The following PELI1 variants were observed in gnomAD, a reference collection of about 807,000 sequenced individuals.
The protein encoded by PELI1 is E3 ubiquitin-protein ligase pellino homolog 1.
In PELI1, 15 loss-of-function variants were observed where a neutral mutation model predicts 41.3. The ratio of observed to expected loss-of-function variants is 0.36; its 90% CI spans 0.24 to 0.56. The LOEUF is 0.56. Ranked by LOEUF, PELI1 falls within the 20% of genes least tolerant of loss-of-function variation. The pLI is 0.82. For synonymous variants in PELI1, 178 were observed against 180.1 expected (o/e 0.99, Z 0.09); for missense variants, 403 against 525.5 (o/e 0.77, Z 2.28).
chr2:64,095,065 G>C lies in PELI1; in HGVS notation c.894C>G (p.Asp298Glu). 6.2e-7 allele frequency: 1 copy of C among 1,614,036 alleles called. No individual in the cohort carries two copies. Among genetic ancestry groups the C allele is most frequent in the East Asian group, 2.2e-5 (1 of 44,886 alleles). The change falls in exon 7 of 7, where the codon GAC becomes GAG. Residue 298 changes from aspartate (D) to glutamate (E), a missense_variant. By Grantham distance (45) the Asp-to-Glu change is conservative (BLOSUM62 2). Transcript: ENST00000358912. ...CCCATGGTTGTTTTTCATCTACAACGTCTTTCCTCTTCATACTAGGAAATG... is the reference window on the plus strand; with the variant it reads ...CCCATGGTTGTTTTTCATCTACAACCTCTTTCCTCTTCATACTAGGAAATG... ...TLAFPSMKRK[D>E]VVDEKQPWVY...
intron 1 of PELI1, among the ~76,000 whole-genome samples, chr2:64,131,579 A>T (rs78936276): frequency 0.021 from 3,135 of 152,008 alleles, 94 homozygotes; most frequent in African/African-American, 0.07. Flanking sequence ...AAACGACAGG[A>T]TCCTAACCGG....
In PELI1 at chr2:64,137,501, G is replaced by A. The variant is rs184583796; in HGVS notation, c.-70+6580C>T. Among the ~76,000 whole-genome samples, 8 of 152,052 alleles carry A rather than the reference G, an allele frequency of 5.3e-5. No individual in the cohort carries two copies. The East Asian group carries it at 9.7e-4, about 18-fold the overall frequency. On this transcript the variant is annotated intron_variant, in intron 1 of 6. Coordinates refer to ENST00000358912, the MANE Select transcript of PELI1 (RefSeq NM_020651.4). ...ATCTTGTATGTGTGTGTGTGTGTGC[G>A]CATTTTGTGAGACCTTAAAATATCC...
At chr2:64,096,698 T>A in intron 4 of PELI1, 88 bp from the exon 5 acceptor site, 1 of 815,774 alleles carries the variant, frequency 1.2e-6, no homozygotes, top group African/African-American at 1.7e-5. Context: ...GAGAGAACAT[T>A]AGGTCTCTGA....
intron 1 of PELI1, among the ~76,000 whole-genome samples, chr2:64,137,590 T>C (rs1271270335): frequency 6.6e-6 from 1 of 152,158 alleles, no homozygotes; most frequent in Non-Finnish European, 1.5e-5. Flanking sequence ...TTCCAAATGA[T>C]GCTACAATTA....
chr2:64,109,885 T>A (rs369791562), intron 1 of PELI1, among the ~76,000 whole-genome samples: 1 of 152,052 alleles, frequency 6.6e-6, no homozygotes, highest in African/African-American at 2.4e-5. Flanking sequence ...CGTGAGACTA[T>A]AGCAAAATCT....
chr2:64,100,883 C>A (rs921039055), intron 3 of PELI1, among the ~76,000 whole-genome samples: 4 of 152,044 alleles, frequency 2.6e-5, no homozygotes, highest in African/African-American at 4.8e-5. Flanking sequence ...CACGCTGCCA[C>A]GCCTGGCTAA....
intron 1 of PELI1, among the ~76,000 whole-genome samples, chr2:64,124,662 C>T (rs1243076869): frequency 1.3e-5 from 2 of 152,186 alleles, no homozygotes; most frequent in Non-Finnish European, 1.5e-5. Flanking sequence ...TTCAGACTAG[C>T]TTTAATCATA....
At chr2:64,135,441 T>C (rs964899450) in intron 1 of PELI1, among the ~76,000 whole-genome samples, 1 of 152,156 alleles carries the variant, frequency 6.6e-6, no homozygotes, top group African/African-American at 2.4e-5. Context: ...GGAAAAGTAT[T>C]GTACTTGCCA....
At chr2:64,110,928 A>AATATATATATATATATAT (rs113178570) in intron 1 of PELI1, among the ~76,000 whole-genome samples, 35 of 149,402 alleles carry the variant, frequency 2.3e-4, no homozygotes, top group African/African-American at 8.3e-4. Flanking sequence ...TCCATTTCAA[A>AATATATATATATATATAT]ATATATATAT....
rs1404669600 is a variant in PELI1 at position 64,095,234 on chromosome 2, G to A, written c.725C>T (p.Ser242Leu). The A allele has an allele frequency of 2.5e-6, 4 of 1,613,804 alleles. No individual in the cohort carries two copies. Among genetic ancestry groups the A allele is most frequent in the East Asian group, 2.2e-5 (1 of 44,890 alleles). The change falls in exon 7 of 7, where the codon TCG becomes TTG. Residue 242 changes from serine (S) to leucine (L), a missense_variant. Physicochemically the swap from Ser to Leu is moderately radical, Grantham distance 145. Transcript: ENST00000358912. ...TGTTGCACCACAGAGGTCAATTAAC[G>A]AGCCATCTTGTAACTGATTGGTTTC... ...EIETNQLQDG[S>L]LIDLCGATLL... is the part of the protein sequence containing the mutation.
At chr2:64,133,595 T>C (rs1217665456) in intron 1 of PELI1, among the ~76,000 whole-genome samples, 2 of 152,008 alleles carry the variant, frequency 1.3e-5, no homozygotes, top group Non-Finnish European at 2.9e-5. Flanking sequence ...ACTGACCTTG[T>C]AAAGATAAGG....
chr2:64,108,691 A>T (rs1680701639), intron 1 of PELI1, among the ~76,000 whole-genome samples: 2 of 152,222 alleles, frequency 1.3e-5, no homozygotes, highest in African/African-American at 4.8e-5. Context: ...AAAAGTGGAG[A>T]GAAGGCAGAC....
intron 1 of PELI1, among the ~76,000 whole-genome samples, chr2:64,120,197 A>T (rs956352234): frequency 6.6e-6 from 1 of 152,242 alleles, no homozygotes; most frequent in African/African-American, 2.4e-5. Context: ...GAAAGCACCT[A>T]CATACTGACA....
intron 1 of PELI1, among the ~76,000 whole-genome samples, chr2:64,113,150 A>G (rs1680878434): frequency 6.6e-6 from 1 of 152,000 alleles, no homozygotes; most frequent in Non-Finnish European, 1.5e-5. Context: ...AAAACAGAAA[A>G]CATTAGCCAA....
At chr2:64,118,381 T>A (rs1355335182) in intron 1 of PELI1, among the ~76,000 whole-genome samples, 2 of 152,172 alleles carry the variant, frequency 1.3e-5, no homozygotes, top group Non-Finnish European at 2.9e-5. Context: ...TACTGCCTTC[T>A]CACAAATAGA....
chr2:64,139,103 T>TTC (rs1215702906), intron 1 of PELI1, among the ~76,000 whole-genome samples: 5 of 152,210 alleles, frequency 3.3e-5, no homozygotes, highest in Admixed American at 6.5e-5. Flanking sequence ...ATCCTTTTCA[T>TTC]TAAATATCCA....
chr2:64,108,441 T>TA, intron 1 of PELI1, 62 bp from the exon 2 acceptor site: 1 of 660,966 alleles, frequency 1.5e-6, no homozygotes, highest in Non-Finnish European at 2.7e-6. Context: ...ATAAAGATGT[T>TA]ATTTTTCAGC....
intron 4 of PELI1, among the ~76,000 whole-genome samples, chr2:64,097,338 G>C (rs1350439647): frequency 6.6e-6 from 1 of 152,158 alleles, no homozygotes; most frequent in African/African-American, 2.4e-5. Context: ...AAAGGTTCTG[G>C]TGAGAGCCTA....
intron 1 of PELI1, among the ~76,000 whole-genome samples, chr2:64,121,481 A>G (rs1014409070): frequency 6.6e-6 from 1 of 152,210 alleles, no homozygotes; most frequent in Admixed American, 6.5e-5. Context: ...AAAACAGAGC[A>G]CTGAGAGTAT....
Sources: gnomAD v4.1 joint callset for allele counts (sites outside exome capture counted in the v4.1 genomes callset) on GRCh38, gnomAD v4.1.1 for gene constraint, MANE v1.5 for transcripts, NCBI Gene and HGNC (gene_info 2026-07-23, HGNC 2026-07-21) for gene names.